The following SIPA1L1 variants were observed in gnomAD, a reference collection of about 807,000 sequenced individuals.
SIPA1L1 encodes the protein signal induced proliferation associated 1 like 1.
A neutral mutation model predicts 162.7 loss-of-function variants in SIPA1L1; 26 were observed. The ratio of observed to expected loss-of-function variants is 0.16; its 90% CI spans 0.12 to 0.22. SIPA1L1 has a LOEUF of 0.22. Among genes scored for constraint, SIPA1L1 ranks in the 10% least tolerant of loss-of-function variants. The pLI is 1.00. For missense variants in SIPA1L1, 1,874 were observed against 2,241.0 expected (o/e 0.84, Z 3.31); for synonymous variants, 829 against 837.4 (o/e 0.99, Z 0.17).
Position 71,587,675 on chromosome 14 carries a change from T to C in SIPA1L1, c.-198T>C. On this transcript the variant is annotated 5_prime_UTR_variant, in exon 5 of 24. Coordinates refer to ENST00000381232, the MANE Select transcript of SIPA1L1 (RefSeq NM_001386936.1). ...TTAAAGTGAAGCAAAGAAACTGTTG[T>C]GGATTATAACGTTTAGAAGTTCCAA... The C allele has an allele frequency of 3.8e-6, 2 of 531,238 alleles. No individual in the cohort carries two copies. Among genetic ancestry groups the C allele is most frequent in the Admixed American group, 3.4e-5 (1 of 29,268 alleles). 32.9% of individuals were successfully genotyped at this position (531,238 alleles called of 1,614,324 possible).
chr14:71,631,648 A>T (rs1208880690), intron 7 of SIPA1L1, among the ~76,000 whole-genome samples: 1 of 152,262 alleles, frequency 6.6e-6, no homozygotes, highest in African/African-American at 2.4e-5. Flanking sequence ...TGCCAAAGAT[A>T]AAAATAGGTT....
At chr14:71,600,462 T>G (rs1181295081) in intron 5 of SIPA1L1, among the ~76,000 whole-genome samples, 1 of 152,182 alleles carries the variant, frequency 6.6e-6, no homozygotes, top group Non-Finnish European at 1.5e-5. Context: ...TTGTGTCTGT[T>G]TTTAGACCAA....
chr14:71,329,769 CT>C (rs2034300317), intron 2 of SIPA1L1, among the ~76,000 whole-genome samples: 1 of 152,080 alleles, frequency 6.6e-6, no homozygotes, highest in South Asian at 2.1e-4. Flanking sequence ...CTGTTCAAGC[CT>C]TCTGCCCATT....
intron 2 of SIPA1L1, among the ~76,000 whole-genome samples, chr14:71,333,828 TA>T (rs1566899431): frequency 2.0e-5 from 3 of 151,810 alleles, no homozygotes; most frequent in African/African-American, 7.3e-5. Context: ...AAGGTGGAAA[TA>T]GGGGGATGTT....
chr14:71,403,315 C>G (rs1477814434), intron 2 of SIPA1L1, among the ~76,000 whole-genome samples: 1 of 152,036 alleles, frequency 6.6e-6, no homozygotes, highest in Non-Finnish European at 1.5e-5. Flanking sequence ...TAAAAAGAAT[C>G]TTGGCCTGGC....
At chr14:71,673,800 G>T (rs1303329778) in intron 12 of SIPA1L1, among the ~76,000 whole-genome samples, 1 of 152,172 alleles carries the variant, frequency 6.6e-6, no homozygotes, top group African/African-American at 2.4e-5. Context: ...GTTTTGGAGA[G>T]GAGTAAATAT....
chr14:71,433,647 A>T (rs17178234), intron 2 of SIPA1L1, among the ~76,000 whole-genome samples: 1 of 152,018 alleles, frequency 6.6e-6, no homozygotes, highest in Admixed American at 6.5e-5. Flanking sequence ...CATGCTGTCC[A>T]TGAGTTTTTT....
intron 3 of SIPA1L1, among the ~76,000 whole-genome samples, chr14:71,524,139 T>C (rs1210550137): frequency 6.9e-6 from 1 of 145,058 alleles, no homozygotes; most frequent in Non-Finnish European, 1.6e-5. Flanking sequence ...TCCTGTCTGT[T>C]GAAATACATG....
At chr14:71,711,306 A>G (rs1455550917) in intron 17 of SIPA1L1, among the ~76,000 whole-genome samples, 1 of 152,246 alleles carries the variant, frequency 6.6e-6, no homozygotes, top group Non-Finnish European at 1.5e-5. Flanking sequence ...CCATAACCAT[A>G]TAGACAGAAT....
At chr14:71,467,869 A>AG (rs2047129074) in intron 2 of SIPA1L1, among the ~76,000 whole-genome samples, 1 of 151,024 alleles carries the variant, frequency 6.6e-6, no homozygotes, top group African/African-American at 2.4e-5. Context: ...AAAAAAAAAA[A>AG]GAAAGAAAAA....
chr14:71,611,154 A>G (rs1304443203), intron 5 of SIPA1L1, among the ~76,000 whole-genome samples: 1 of 152,214 alleles, frequency 6.6e-6, no homozygotes, highest in East Asian at 1.9e-4. Context: ...TGAGTGGTGC[A>G]CTTCCCAGGA....
At position 71,342,519 on chromosome 14, in the gene SIPA1L1, C is replaced by T. The variant is rs186782726; in HGVS notation, c.-465+21338C>T. ...TGGAAGTGAAGTTAATTGAAAATAC[C>T]GAAAATACAAGTGTAAGTTCAGTCT... On this transcript the variant is annotated intron_variant, in intron 2 of 23. Transcript: ENST00000381232. Among the ~76,000 whole-genome samples the T allele has an allele frequency of 4.7e-4, 71 of 152,136 alleles. 3 individuals are homozygous for T. The East Asian group carries it at 0.011, about 24-fold the overall frequency.
chr14:71,536,612 A>G (rs2145587480), intron 4 of SIPA1L1, among the ~76,000 whole-genome samples: 1 of 152,364 alleles, frequency 6.6e-6, no homozygotes, highest in South Asian at 2.1e-4. Context: ...TTTTAAAAAG[A>G]ATGTGTTTCA....
intron 21 of SIPA1L1, 92 bp downstream of exon 21, chr14:71,733,904 C>A: frequency 1.5e-6 from 2 of 1,336,602 alleles, no homozygotes; most frequent in Non-Finnish European, 2.0e-6. Context: ...ACACTCAAAA[C>A]ATATGTGCCT....
chr14:71,692,032 A>C (rs567824152), intron 13 of SIPA1L1, among the ~76,000 whole-genome samples: 1 of 152,196 alleles, frequency 6.6e-6, no homozygotes, highest in South Asian at 2.1e-4. Flanking sequence ...AGTTTCCTCA[A>C]CTTAGTGTGT....
intron 15 of SIPA1L1, 136 bp downstream of exon 15, chr14:71,702,641 G>T: frequency 1.3e-6 from 1 of 792,640 alleles, no homozygotes; most frequent in South Asian, 1.9e-5. Context: ...GTCTCTGTTA[G>T]ATTATGTATA....
intron 20 of SIPA1L1, among the ~76,000 whole-genome samples, chr14:71,733,286 C>T (rs968151162): frequency 6.6e-6 from 1 of 152,208 alleles, no homozygotes; most frequent in Non-Finnish European, 1.5e-5. Context: ...AAATCCAGCT[C>T]CCTGTTGAAG....
chr14:71,618,873 T>G lies in SIPA1L1; in HGVS notation c.1615T>G (p.Phe539Val). Residue 539 changes from phenylalanine (F) to valine (V), a missense_variant, in exon 6 of 24, where the codon TTT becomes GTT. Coordinates refer to ENST00000381232, the MANE Select transcript of SIPA1L1 (RefSeq NM_001386936.1). ...NGSPYNYRII[F>V]RTSELMTLRG... The stretch of plus-strand genomic sequence containing the variant: ...ATCTCCGTACAACTACCGAATAATT[T>G]TTAGAACTAGTGAGGTAAGTCGCAA... The G allele has an allele frequency of 6.2e-7, 1 of 1,613,538 alleles. No homozygotes were observed. The highest frequency in any genetic ancestry group is 8.5e-7 in the Non-Finnish European group (1 of 1,179,734).
chr14:71,692,142 ACTGGGGAC>A (rs2081296810), intron 13 of SIPA1L1, among the ~76,000 whole-genome samples: 1 of 152,232 alleles, frequency 6.6e-6, no homozygotes, highest in African/African-American at 2.4e-5. Flanking sequence ...TATTTAAGTA[ACTGGGGAC>A]AGAATTTAAT....
Sources: gnomAD v4.1 joint callset for allele counts (sites outside exome capture counted in the v4.1 genomes callset) on GRCh38, gnomAD v4.1.1 for gene constraint, MANE v1.5 for transcripts, NCBI Gene and HGNC (gene_info 2026-07-23, HGNC 2026-07-21) for gene names.